ATP1B4: variants seen among roughly 807,000 people sequenced by gnomAD.
The protein encoded by ATP1B4 is ATPase Na+/K+ transporting family member beta 4.
ATP1B4 carries 32 observed loss-of-function variants against 29.6 expected under a neutral mutation model. The ratio of observed to expected loss-of-function variants is 1.08; its 90% CI spans 0.82 to 1.45. The LOEUF (loss-of-function observed/expected upper bound fraction) is 1.45, where lower values mean the gene tolerates loss of function less well. Among genes scored for constraint, ATP1B4 ranks in the 40% most tolerant of loss-of-function variants. The probability of loss-of-function intolerance (pLI) is 0.00; values close to 1 mark genes in which losing one functional copy is unlikely to be tolerated. For synonymous variants in ATP1B4, 127 were observed against 102.1 expected, an observed-to-expected ratio of 1.24 and a Z score of -1.47; for missense variants, 323 against 276.2, an observed-to-expected ratio of 1.17 and a Z score of -1.20.
At chrX:120,379,024 GT>G (rs1338009760) in intron 7 of ATP1B4, among the ~76,000 whole-genome samples, 1 of 111,417 alleles carries the variant, frequency 9.0e-6, no homozygotes, top group Non-Finnish European at 1.9e-5. Context: ...GAGACAGAAA[GT>G]GACTTGCCCA....
chrX:120,380,895 C>T lies in ATP1B4; in HGVS notation c.*1261C>T, dbSNP rs911964143. 5 of 111,679 alleles carry T rather than the reference C, an allele frequency of 4.5e-5. No homozygotes were observed. Among genetic ancestry groups the T allele is most frequent in the Non-Finnish European group, 9.4e-5 (5 of 53,140 alleles). 9.2% of individuals were successfully genotyped at this position (111,679 alleles called of 1,213,427 possible). A position where few individuals can be genotyped will look rare whatever the true frequency, so the allele number is the denominator to read the frequency against. The stretch of plus-strand genomic sequence containing the variant: ...TGTCTTATCTTTGGTCACCTGATCA[C>T]TCAACTGCTTCTTAACACCTCCACC... On this transcript the variant is annotated 3_prime_UTR_variant, in exon 8 of 8. Transcript: ENST00000218008.
chrX:120,379,451 T>C (rs2058372101), intron 7 of ATP1B4, 22 bp from the exon 8 acceptor site: 1 of 1,192,558 alleles, frequency 8.4e-7, no homozygotes, highest in Non-Finnish European at 1.1e-6. Context: ...ACACTTAGAA[T>C]TCATTTTTCT....
At chrX:120,377,806 G>A (rs767938984) in intron 6 of ATP1B4, among the ~76,000 whole-genome samples, 5 of 111,834 alleles carry the variant, frequency 4.5e-5, no homozygotes, top group Non-Finnish European at 9.4e-5. Context: ...TGAAAATCAA[G>A]CAGGATGAGG....
chrX:120,376,474 T>G (rs750519990), intron 6 of ATP1B4, 38 bp downstream of exon 6: 17 of 1,129,940 alleles, frequency 1.5e-5, no homozygotes, highest in Non-Finnish European at 1.2e-6. Context: ...TTAGCACATC[T>G]GTTTCATGCA....
intron 6 of ATP1B4, among the ~76,000 whole-genome samples, chrX:120,376,838 C>T (rs775103613): frequency 9.8e-5 from 11 of 112,501 alleles, no homozygotes; most frequent in African/African-American, 3.6e-4. Context: ...CATTAGTTCC[C>T]AGATTTTAAA....
chrX:120,373,186 G>A (rs2058322706), intron 4 of ATP1B4, among the ~76,000 whole-genome samples: 3 of 111,818 alleles, frequency 2.7e-5, no homozygotes, highest in African/African-American at 6.5e-5. Context: ...TGCAATAAGG[G>A]TCATGTCCAT....
intron 5 of ATP1B4, 110 bp from the exon 6 acceptor site, chrX:120,376,270 A>T: frequency 1.5e-6 from 1 of 674,554 alleles, no homozygotes; most frequent in Non-Finnish European, 2.3e-6. Context: ...GAAATAGATG[A>T]AGCATATGCC....
At chrX:120,371,882 A>G (rs1035511733) in intron 4 of ATP1B4, among the ~76,000 whole-genome samples, 12 of 112,268 alleles carry the variant, frequency 1.1e-4, no homozygotes, top group Non-Finnish European at 1.9e-4. Context: ...GTTAGCCAGG[A>G]TGGTCTTGAT....
In ATP1B4 at chrX:120,371,219, G is replaced by A; in HGVS notation, c.562+9G>A. On this transcript the variant is annotated intron_variant, in intron 4 of 7. Coordinates refer to ENST00000218008, the MANE Select transcript of ATP1B4 (RefSeq NM_001142447.3). ...AAATGGCTTTCTCCAGGGTAAGTAA[G>A]TTCGTCTGAATAGTGGAAAGCTCTT... is the stretch of plus-strand genomic sequence containing the variant. The A allele has an allele frequency of 8.5e-7, 1 of 1,174,094 alleles. No homozygotes were observed. The highest frequency in any genetic ancestry group is 1.2e-6 in the Non-Finnish European group (1 of 861,417).
chrX:120,362,460 A>T (rs2147246580), intron 1 of ATP1B4, among the ~76,000 whole-genome samples: 1 of 111,848 alleles, frequency 8.9e-6, no homozygotes, highest in East Asian at 2.8e-4. Context: ...TGAAACAAAG[A>T]TAAGGGAAGG....
At position 120,371,167 on chromosome X, in the gene ATP1B4, C is replaced by T. The variant is rs995439585; in HGVS notation, c.519C>T (p.Asp173=). 8.3e-7 allele frequency: 1 copy of T among 1,209,302 alleles called. No homozygotes were observed. The highest frequency in any genetic ancestry group is 1.1e-6 in the Non-Finnish European group (1 of 894,596). Residue 173 remains aspartate (D), a synonymous_variant, in exon 4 of 8, where the codon GAC becomes GAT. Transcript: ENST00000218008. ...LNFNFNVSEP[D]TWQHYVISLN... Reference sequence around the variant, plus strand: ...TCAACTTCAACGTTTCTGAACCCGACACTTGGCAGCATTATGTGATTAGCC... The same window carrying T: ...TCAACTTCAACGTTTCTGAACCCGATACTTGGCAGCATTATGTGATTAGCC...
At chrX:120,376,304 G>C in intron 5 of ATP1B4, 76 bp from the exon 6 acceptor site, 1 of 963,514 alleles carries the variant, frequency 1.0e-6, no homozygotes, top group Non-Finnish European at 1.5e-6. Context: ...CTGGGAGGAA[G>C]GTTAGAAAAG....
Position 120,378,835 on chromosome X carries a change from G to GAT in ATP1B4, c.912+62_912+63insAT, listed in dbSNP as rs749561783. 2.7e-4 allele frequency: 282 copies of GAT among 1,025,523 alleles called. No homozygotes were observed. The African/African-American group carries it at 4.4e-3, about 16-fold the overall frequency. The allele number at this position is 1,025,523 out of a possible 1,213,427, so 84.5% of individuals were successfully genotyped here. A position where few individuals can be genotyped will look rare whatever the true frequency, so the allele number is the denominator to read the frequency against. ...GGGCTCAGTGACAAAAGAAGAGCTG[G>GAT]CTGGGATCTATGAGAATTAGGGAGC... On this transcript the variant is annotated intron_variant, in intron 7 of 7. Transcript: ENST00000218008.
At chrX:120,373,972 C>G (rs1331339042) in intron 4 of ATP1B4, among the ~76,000 whole-genome samples, 10 of 108,584 alleles carry the variant, frequency 9.2e-5, no homozygotes, top group African/African-American at 3.4e-4. Flanking sequence ...ACAACTCATA[C>G]TTCTCACTCT....
At chrX:120,376,260 G>A (rs772296539) in intron 5 of ATP1B4, 120 bp from the exon 6 acceptor site, 20 of 627,676 alleles carry the variant, frequency 3.2e-5, no homozygotes, top group Admixed American at 9.8e-5. Flanking sequence ...CTGAGAAGGC[G>A]AAATAGATGA....
chrX:120,364,580 G>C (rs146535335), intron 1 of ATP1B4, among the ~76,000 whole-genome samples: 1,659 of 112,088 alleles, frequency 0.015, 34 homozygotes, highest in African/African-American at 0.051. Flanking sequence ...TGTGTGCATA[G>C]GTTCACACAC....
At chrX:120,365,525 C>T (rs2058281583) in intron 1 of ATP1B4, among the ~76,000 whole-genome samples, 1 of 112,257 alleles carries the variant, frequency 8.9e-6, no homozygotes, top group Non-Finnish European at 1.9e-5. Context: ...CACATCCAAC[C>T]CAACAGGTGC....
At position 120,371,932 on chromosome X, in the gene ATP1B4, T is replaced by G. The variant is rs866237964; in HGVS notation, c.562+722T>G. Among the ~76,000 whole-genome samples, 4 of 112,751 alleles carry G rather than the reference T, an allele frequency of 3.5e-5. 1 individual carries two copies. In the South Asian group the frequency reaches 1.5e-3, roughly 41 times the overall value. On this transcript the variant is annotated intron_variant, in intron 4 of 7. Transcript: ENST00000218008. Reference sequence around the variant, plus strand: ...ATCCACGTGCCTTGGCCTCCCAAAGTGCTGGGATGACAGGCATGAGCCACC... The same window carrying G: ...ATCCACGTGCCTTGGCCTCCCAAAGGGCTGGGATGACAGGCATGAGCCACC...
In ATP1B4 at chrX:120,362,090, G is replaced by C; in HGVS notation, c.-79G>C. The C allele has an allele frequency of 1.1e-6, 1 of 928,480 alleles. No individual in the cohort carries two copies. Among genetic ancestry groups the C allele is most frequent in the Non-Finnish European group, 1.6e-6 (1 of 640,503 alleles). 76.5% of individuals were successfully genotyped at this position (928,480 alleles called of 1,213,427 possible). A position where few individuals can be genotyped will look rare whatever the true frequency, so the allele number is the denominator to read the frequency against. On this transcript the variant is annotated 5_prime_UTR_variant, in exon 1 of 8. Transcript: ENST00000218008. ...AGGCGCCAAGTGTCCCCAGCAACCA[G>C]TGTCTCCTGTACCAGCAGAAGCTCC... is the stretch of plus-strand genomic sequence containing the variant.
Sources: allele counts gnomAD v4.1 joint callset (sites outside exome capture counted in the v4.1 genomes callset), GRCh38; gene constraint gnomAD v4.1.1; transcripts MANE v1.5; gene names NCBI Gene and HGNC (gene_info 2026-07-23, HGNC 2026-07-21).